Variants in CDH2 observed in about 807,000 individuals in gnomAD.
CDH2 encodes the protein cadherin 2.
In CDH2, 17 loss-of-function variants were observed where a neutral mutation model predicts 92.0. That is an observed-to-expected ratio of 0.18 (90% CI 0.13 to 0.28). The LOEUF (loss-of-function observed/expected upper bound fraction) is 0.28. Among genes scored for constraint, CDH2 ranks in the 10% least tolerant of loss-of-function variants. The pLI is 1.00. For synonymous variants in CDH2, 419 were observed against 415.9 expected (o/e 1.01, Z -0.09); for missense variants, 862 against 1,133.1 (o/e 0.76, Z 3.44).
chr18:28,012,129 C>T lies in CDH2; in HGVS notation c.400-137G>A, dbSNP rs189718392. ...AAAATAAGTCTGGAGGCCCTTTTCCCTGGCCCCCTATTAAAATAACAGAAA... is the reference window on the plus strand; with the variant it reads ...AAAATAAGTCTGGAGGCCCTTTTCCTTGGCCCCCTATTAAAATAACAGAAA... On this transcript the variant is annotated intron_variant, in intron 3 of 15. Transcript: ENST00000269141. 1.9e-3 allele frequency: 1,239 copies of T among 656,864 alleles called. 9 individuals are homozygous for T. Among genetic ancestry groups the T allele is most frequent in the Middle Eastern group, 0.011 (27 of 2,418 alleles). 40.7% of individuals were successfully genotyped at this position (656,864 alleles called of 1,614,324 possible). A position where few individuals can be genotyped will look rare whatever the true frequency, so the allele number is the denominator to read the frequency against.
rs1050841842 is a variant in CDH2, at chr18:27,962,114, T to C, written c.2514+1243A>G. 6.6e-5 allele frequency among the ~76,000 whole-genome samples: 10 copies of C among 152,312 alleles called. No homozygotes were observed. The East Asian group carries it at 1.9e-3, about 29-fold the overall frequency. ...CACTCTTACATTTTTCTAAAAGATCTAGGCATATATGTATAAATTTCTGCA... is the reference window on the plus strand; with the variant it reads ...CACTCTTACATTTTTCTAAAAGATCCAGGCATATATGTATAAATTTCTGCA... On this transcript the variant is annotated intron_variant, in intron 15 of 15. Transcript: ENST00000269141.
intron 2 of CDH2, among the ~76,000 whole-genome samples, chr18:28,063,601 T>C (rs1386905467): frequency 6.6e-6 from 1 of 152,180 alleles, no homozygotes; most frequent in Non-Finnish European, 1.5e-5. Flanking sequence ...AGGGGCTCCC[T>C]TTCTCATCAA....
At chr18:27,941,197 A>G (rs991112387) in intron 6 of CDH2, among the ~76,000 whole-genome samples, 13 of 151,726 alleles carry the variant, frequency 8.6e-5, no homozygotes, top group South Asian at 4.2e-4. Flanking sequence ...CACCACGCCC[A>G]GCTAATTTTT....
intron 1 of CDH2, among the ~76,000 whole-genome samples, chr18:28,152,073 G>A (rs2016131669): frequency 2.0e-5 from 3 of 152,100 alleles, no homozygotes; most frequent in South Asian, 4.1e-4. Context: ...AAAAATAATG[G>A]CAGCAGGAGT....
intron 2 of CDH2, among the ~76,000 whole-genome samples, chr18:28,132,688 T>C (rs1404199721): frequency 6.6e-6 from 1 of 152,148 alleles, no homozygotes; most frequent in Non-Finnish European, 1.5e-5. Flanking sequence ...AGGGAGCAGA[T>C]ACCCAAACAC....
At chr18:27,961,514 C>T (rs1048712095) in intron 15 of CDH2, among the ~76,000 whole-genome samples, 6 of 152,000 alleles carry the variant, frequency 3.9e-5, no homozygotes, top group East Asian at 1.9e-4. Context: ...AGGGCTTTGC[C>T]GAAGTTACAG....
intron 2 of CDH2, among the ~76,000 whole-genome samples, chr18:28,110,492 G>A (rs1337363327): frequency 6.6e-6 from 1 of 152,086 alleles, no homozygotes; most frequent in Non-Finnish European, 1.5e-5. Context: ...ACACAGCAAT[G>A]GCCAATTCTC....
chr18:28,106,724 T>C (rs2015329191), intron 2 of CDH2, among the ~76,000 whole-genome samples: 1 of 152,182 alleles, frequency 6.6e-6, no homozygotes, highest in Non-Finnish European at 1.5e-5. Context: ...TGATGGTAAA[T>C]ACGTATGAGC....
chr18:27,947,108 A>G (rs1783653925), downstream of CDH2, among the ~76,000 whole-genome samples: 2 of 151,916 alleles, frequency 1.3e-5, no homozygotes, highest in Admixed American at 6.6e-5. Context: ...GAAAAGGGAA[A>G]AAACTGTCAT....
chr18:28,146,143 AC>A (rs1299850485), intron 2 of CDH2: 3 of 152,134 alleles, frequency 2.0e-5, no homozygotes, highest in Non-Finnish European at 4.4e-5. Flanking sequence ...CTAGTGACAC[AC>A]CATGTGTTTA....
intron 6 of CDH2, among the ~76,000 whole-genome samples, chr18:27,937,343 A>T (rs1318338231): frequency 6.6e-6 from 1 of 152,150 alleles, no homozygotes; most frequent in Non-Finnish European, 1.5e-5. Flanking sequence ...AAACTCTGTA[A>T]TTTACTATGT....
chr18:28,143,906 C>T (rs554056003), intron 2 of CDH2, among the ~76,000 whole-genome samples: 2 of 151,910 alleles, frequency 1.3e-5, no homozygotes, highest in African/African-American at 4.8e-5. Context: ...AAAAGAAAAC[C>T]AAACACTGAA....
intron 2 of CDH2, among the ~76,000 whole-genome samples, chr18:28,051,195 C>T (rs1168303019): frequency 1.3e-5 from 2 of 152,128 alleles, no homozygotes; most frequent in African/African-American, 2.4e-5. Context: ...ACACTTTTAT[C>T]AGATATATTT....
chr18:27,957,195 T>A (rs917929355), intron 15 of CDH2, among the ~76,000 whole-genome samples: 1 of 151,728 alleles, frequency 6.6e-6, no homozygotes, highest in Non-Finnish European at 1.5e-5. Flanking sequence ...AGATCTTTTT[T>A]CCCCAACCAT....
chr18:28,102,636 A>G (rs897934417), intron 2 of CDH2, among the ~76,000 whole-genome samples: 1 of 152,168 alleles, frequency 6.6e-6, no homozygotes, highest in Non-Finnish European at 1.5e-5. Context: ...TTTTAAGTCA[A>G]GAGTTTAGCC....
At chr18:27,969,954 C>T (rs879354360) in intron 14 of CDH2, among the ~76,000 whole-genome samples, 31 of 152,226 alleles carry the variant, frequency 2.0e-4, no homozygotes, top group Middle Eastern at 3.4e-3. Flanking sequence ...GAGCCAAGAT[C>T]GTGCCATTGC....
chr18:28,028,031 G>C (rs1181767063), intron 2 of CDH2, among the ~76,000 whole-genome samples: 1 of 151,788 alleles, frequency 6.6e-6, no homozygotes, highest in Non-Finnish European at 1.5e-5. Flanking sequence ...TGTCAACAAA[G>C]AAAGAAATCT....
At chr18:28,061,658 C>A (rs1389772054) in intron 2 of CDH2, among the ~76,000 whole-genome samples, 1 of 152,116 alleles carries the variant, frequency 6.6e-6, no homozygotes, top group East Asian at 1.9e-4. Flanking sequence ...TGAGTCTGTT[C>A]TCACACTGCT....
At chr18:27,995,206 C>G (rs573242922) in intron 7 of CDH2, among the ~76,000 whole-genome samples, 2 of 145,542 alleles carry the variant, frequency 1.4e-5, no homozygotes, top group Non-Finnish European at 3.0e-5. Flanking sequence ...CCCAGCTACT[C>G]GGGAGGCTGA....
Sources: gnomAD v4.1 joint callset for allele counts (sites outside exome capture counted in the v4.1 genomes callset) on GRCh38, gnomAD v4.1.1 for gene constraint, MANE v1.5 for transcripts, NCBI Gene and HGNC (gene_info 2026-07-23, HGNC 2026-07-21) for gene names.